TANC2: variants seen among roughly 807,000 people sequenced by gnomAD.
The protein encoded by TANC2 is tetratricopeptide repeat, ankyrin repeat and coiled-coil containing 2, also known as protein TANC2.
A neutral mutation model predicts 210.5 loss-of-function variants in TANC2; 26 were observed. The ratio of observed to expected loss-of-function variants is 0.12; its 90% CI spans 0.09 to 0.17. The LOEUF is 0.17. Among genes scored for constraint, TANC2 ranks in the 10% least tolerant of loss-of-function variants. The pLI is 1.00. For synonymous variants in TANC2, 931 were observed against 967.1 expected (o/e 0.96, Z 0.69); for missense variants, 2,129 against 2,608.9 (o/e 0.82, Z 4.01).
intron 1 of TANC2, among the ~76,000 whole-genome samples, chr17:63,003,057 A>G (rs1259005235): frequency 2.6e-5 from 4 of 152,210 alleles, no homozygotes; most frequent in African/African-American, 9.6e-5. Flanking sequence ...CTCCAAAGCC[A>G]TTGTACCATT....
intron 3 of TANC2, among the ~76,000 whole-genome samples, chr17:63,089,800 AG>A (rs2037114143): frequency 6.6e-6 from 1 of 152,172 alleles, no homozygotes; most frequent in South Asian, 2.1e-4. Flanking sequence ...ACATGCCTAC[AG>A]TCGTTTTAGG....
intron 7 of TANC2, among the ~76,000 whole-genome samples, chr17:63,233,871 C>T (rs148816483): frequency 2.0e-5 from 3 of 152,312 alleles, no homozygotes; most frequent in Non-Finnish European, 4.4e-5. Flanking sequence ...TCAACTTGGT[C>T]GACAAGAGTA....
chr17:63,406,114 TTCTTTGGGCTAA>T, intron 20 of TANC2, 28 bp from the exon 21 acceptor site: 1 of 1,611,464 alleles, frequency 6.2e-7, no homozygotes, highest in Non-Finnish European at 8.5e-7. Context: ...TCAGCAGCTC[TTCTTTGGGCTAA>T]TTGGTCCCTG....
intron 7 of TANC2, among the ~76,000 whole-genome samples, chr17:63,204,095 A>G (rs914017575): frequency 6.6e-6 from 1 of 152,112 alleles, no homozygotes; most frequent in African/African-American, 2.4e-5. Flanking sequence ...GTGTGGATTC[A>G]TTCATTTTAA....
exon 13 of TANC2, chr17:63,351,364 G>A: frequency 1.2e-6 from 2 of 1,610,158 alleles, no homozygotes; most frequent in Non-Finnish European, 8.5e-7. Flanking sequence ...AAAATGATCG[G>A]AAAGTTTCCT....
chr17:63,051,561 A>G (rs1227800641), intron 2 of TANC2, among the ~76,000 whole-genome samples: 2 of 152,198 alleles, frequency 1.3e-5, no homozygotes, highest in African/African-American at 4.8e-5. Context: ...GAATCCATGG[A>G]TCAGTCAAAT....
rs60314198 is a variant in TANC2, at chr17:63,322,681, T to G, written c.1575+3591T>G. Among the ~76,000 whole-genome samples the G allele has an allele frequency of 5.9e-3, 899 of 152,320 alleles. 7 individuals carry two copies. Among genetic ancestry groups the G allele is most frequent in the African/African-American group, 0.02 (847 of 41,560 alleles). ...AATTCCTGCTGTTATACAGTCCACA[T>G]TCTCATGAGAGAAAGACAATAAACA... On this transcript the variant is annotated intron_variant, in intron 11 of 27. Coordinates refer to ENST00000689528, the Ensembl canonical transcript of TANC2.
chr17:63,320,411 C>T (rs2447451), intron 11 of TANC2: 90,852 of 152,010 alleles, frequency 0.6, 29,667 homozygotes, highest in African/African-American at 0.86. Context: ...TCCTGTCCCT[C>T]CTCTTTTGTG....
rs147958035 is a variant in TANC2, at chr17:63,303,467, G to C, written c.1160-10921G>C. On this transcript the variant is annotated intron_variant, in intron 9 of 27. Coordinates refer to ENST00000689528, the Ensembl canonical transcript of TANC2. Reference sequence around the variant, plus strand: ...TAGGGTTTCTGCTGAGAGGTCTGCTGTTAGTCTCATGGGCTTCCCTTTGTA... The same window carrying C: ...TAGGGTTTCTGCTGAGAGGTCTGCTCTTAGTCTCATGGGCTTCCCTTTGTA... Among the ~76,000 whole-genome samples the C allele has an allele frequency of 1.2e-4, 19 of 152,328 alleles. No individual in the cohort carries two copies. In the East Asian group the frequency reaches 3.5e-3, roughly 28 times the overall value.
chr17:63,309,703 A>G (rs921699204), intron 9 of TANC2, among the ~76,000 whole-genome samples: 21 of 152,160 alleles, frequency 1.4e-4, no homozygotes, highest in African/African-American at 5.1e-4. Context: ...TCTTATGGTA[A>G]ATTTCAAACT....
chr17:62,992,430 T>A (rs2032916342), intron 1 of TANC2, among the ~76,000 whole-genome samples: 2 of 152,206 alleles, frequency 1.3e-5, no homozygotes, highest in African/African-American at 4.8e-5. Flanking sequence ...TGGTATAAAT[T>A]TTTGATCAAT....
At chr17:63,039,206 T>C (rs759985597) in intron 2 of TANC2, among the ~76,000 whole-genome samples, 4 of 152,198 alleles carry the variant, frequency 2.6e-5, no homozygotes, top group Non-Finnish European at 5.9e-5. Context: ...TTAAATTTTC[T>C]TGAAAAAATT....
chr17:63,117,153 A>C (rs1333939021), intron 4 of TANC2: 1 of 152,172 alleles, frequency 6.6e-6, no homozygotes, highest in Admixed American at 6.5e-5. Flanking sequence ...ACCATTCATC[A>C]GCTCTGGACC....
chr17:63,393,581 G>A (rs984216605), intron 17 of TANC2: 2 of 152,110 alleles, frequency 1.3e-5, no homozygotes, highest in Admixed American at 1.3e-4. Context: ...CCCCCAACAG[G>A]CATCTAAGGT....
intron 4 of TANC2, among the ~76,000 whole-genome samples, chr17:63,111,225 G>T (rs1442516101): frequency 6.6e-6 from 1 of 152,154 alleles, no homozygotes; most frequent in Non-Finnish European, 1.5e-5. Flanking sequence ...TGAGGCTGGA[G>T]AATCGCTTGA....
chr17:63,154,292 A>C (rs936711533), intron 5 of TANC2: 19 of 152,166 alleles, frequency 1.2e-4, no homozygotes, highest in African/African-American at 4.3e-4. Context: ...CAGCTCTTGA[A>C]GTGGACACAA....
At chr17:63,166,295 A>G (rs1195188731) in intron 5 of TANC2, among the ~76,000 whole-genome samples, 1 of 150,910 alleles carries the variant, frequency 6.6e-6, no homozygotes, top group Non-Finnish European at 1.5e-5. Context: ...TAAAAATTGT[A>G]TTCCTAGATA....
chr17:63,010,018 T>A (rs1177625956), intron 2 of TANC2, among the ~76,000 whole-genome samples: 1 of 152,130 alleles, frequency 6.6e-6, no homozygotes, highest in Non-Finnish European at 1.5e-5. Flanking sequence ...GAAAGTGAAA[T>A]ATAAGTTGAA....
At chr17:63,220,802 A>G (rs2042163410) in intron 7 of TANC2, among the ~76,000 whole-genome samples, 1 of 147,788 alleles carries the variant, frequency 6.8e-6, no homozygotes, top group Non-Finnish European at 1.5e-5. Flanking sequence ...ATGTATATAT[A>G]CGTGTATATG....
Sources: allele counts gnomAD v4.1 joint callset (sites outside exome capture counted in the v4.1 genomes callset), GRCh38; gene constraint gnomAD v4.1.1; transcripts MANE v1.5; gene names NCBI Gene and HGNC (gene_info 2026-07-23, HGNC 2026-07-21).